The following LIPC variants were observed in gnomAD, a reference collection of about 807,000 sequenced individuals.
LIPC encodes hepatic triacylglycerol lipase.
A neutral mutation model predicts 50.7 loss-of-function variants in LIPC; 44 were observed. The ratio of observed to expected loss-of-function variants is 0.87; its 90% CI spans 0.68 to 1.11. The LOEUF (loss-of-function observed/expected upper bound fraction) is 1.11, where lower values mean the gene tolerates loss of function less well. Among genes scored for constraint, LIPC ranks in the 50% most tolerant of loss-of-function variants. LIPC has a pLI of 0.00. For synonymous variants in LIPC, 271 were observed against 256.4 expected (o/e 1.06, Z -0.54); for missense variants, 697 against 648.2 (o/e 1.08, Z -0.82).
At chr15:58,549,032 T>C (rs1893650148) in intron 6 of LIPC, among the ~76,000 whole-genome samples, 2 of 152,184 alleles carry the variant, frequency 1.3e-5, no homozygotes, top group Admixed American at 1.3e-4. Context: ...GCTGATCTGA[T>C]AGGACATGAT....
chr15:58,553,172 G>C (rs537330583), intron 6 of LIPC, among the ~76,000 whole-genome samples: 1 of 152,138 alleles, frequency 6.6e-6, no homozygotes, highest in Non-Finnish European at 1.5e-5. Flanking sequence ...CTGTCTATCC[G>C]TTGAGGGCCC....
chr15:58,551,301 A>G (rs1566948736), intron 6 of LIPC, among the ~76,000 whole-genome samples: 1 of 152,188 alleles, frequency 6.6e-6, no homozygotes, highest in Non-Finnish European at 1.5e-5. Flanking sequence ...AAGTGCACTC[A>G]TGCGAGACTC....
chr15:58,506,968 G>A (rs1190444940), intron 1 of LIPC, among the ~76,000 whole-genome samples: 2 of 152,218 alleles, frequency 1.3e-5, no homozygotes, highest in African/African-American at 2.4e-5. Flanking sequence ...GTGGCAACAA[G>A]GAGAAATGCC....
chr15:58,515,716 G>GA (rs1226042287), intron 1 of LIPC, among the ~76,000 whole-genome samples: 2 of 151,864 alleles, frequency 1.3e-5, no homozygotes, highest in East Asian at 3.9e-4. Flanking sequence ...AGATCTGGAG[G>GA]AAAAAAAGTA....
At chr15:58,499,141 A>G (rs552417730) in intron 1 of LIPC, among the ~76,000 whole-genome samples, 2 of 152,320 alleles carry the variant, frequency 1.3e-5, no homozygotes, top group South Asian at 4.1e-4. Context: ...CGAGAACACC[A>G]GGGAACATGC....
At chr15:58,513,158 C>T (rs1469152267) in intron 1 of LIPC, among the ~76,000 whole-genome samples, 1 of 152,142 alleles carries the variant, frequency 6.6e-6, no homozygotes, top group Non-Finnish European at 1.5e-5. Context: ...ATCAAGGGTT[C>T]ATTTAATGGA....
chr15:58,527,791 TAATG>T (rs113308338), intron 1 of LIPC, among the ~76,000 whole-genome samples: 20 of 149,926 alleles, frequency 1.3e-4, no homozygotes, highest in South Asian at 2.1e-4. Context: ...ATAAATGAAT[TAATG>T]AATGAATGAA....
intron 1 of LIPC, among the ~76,000 whole-genome samples, chr15:58,439,412 G>C (rs565538377): frequency 6.6e-6 from 1 of 152,284 alleles, no homozygotes; most frequent in South Asian, 2.1e-4. Flanking sequence ...GAACTGTAGT[G>C]GGTAATGAAG....
rs148745205 is a variant in LIPC at position 58,555,397 on chromosome 15, G to A, written c.1052-5467G>A. ...GTCTTGGTGGCTTCATTAGAAGCAG[G>A]TGTTGAACCACAGCTTTTCTTCAGG... On this transcript the variant is annotated intron_variant, in intron 6 of 8. Coordinates refer to ENST00000299022, the MANE Select transcript of LIPC (RefSeq NM_000236.3). 4.7e-4 allele frequency among the ~76,000 whole-genome samples: 72 copies of A among 152,302 alleles called. 1 individual carries two copies. In the East Asian group the frequency reaches 0.013, roughly 27 times the overall value.
intron 4 of LIPC, among the ~76,000 whole-genome samples, chr15:58,544,365 T>G (rs923342206): frequency 8.6e-5 from 13 of 150,304 alleles, no homozygotes; most frequent in Non-Finnish European, 1.8e-4. Context: ...GGAACAGAAA[T>G]CATATCAGGA....
At chr15:58,515,533 C>CATATATATATATATATATATATATATAT (rs1555403164) in intron 1 of LIPC, among the ~76,000 whole-genome samples, 22 of 141,724 alleles carry the variant, frequency 1.6e-4, no homozygotes, top group African/African-American at 6.0e-4. Context: ...TATACACACA[C>CATATATATATATATATATATATATATAT]ATATATATAT....
intron 1 of LIPC, among the ~76,000 whole-genome samples, chr15:58,489,392 A>T (rs1276485790): frequency 6.6e-6 from 1 of 152,006 alleles, no homozygotes; most frequent in Non-Finnish European, 1.5e-5. Context: ...GACAGTTATT[A>T]CTCCAATCAG....
At chr15:58,490,524 A>G (rs1293775337) in intron 1 of LIPC, among the ~76,000 whole-genome samples, 1 of 151,766 alleles carries the variant, frequency 6.6e-6, no homozygotes, top group African/African-American at 2.4e-5. Flanking sequence ...TAGTCTTCTC[A>G]CCTCCGGAGA....
At chr15:58,547,453 TA>T (rs1893575394) in intron 5 of LIPC, among the ~76,000 whole-genome samples, 1 of 152,166 alleles carries the variant, frequency 6.6e-6, no homozygotes, top group Non-Finnish European at 1.5e-5. Flanking sequence ...ATGCAGCCGC[TA>T]GCGTCCAAGG....
intron 1 of LIPC, chr15:58,473,496 C>G (rs1387607754): frequency 6.6e-6 from 1 of 152,170 alleles, no homozygotes; most frequent in African/African-American, 2.4e-5. Flanking sequence ...AATGACAACC[C>G]ACAGACACAA....
intron 1 of LIPC, among the ~76,000 whole-genome samples, chr15:58,469,754 G>A (rs1004930465): frequency 3.9e-5 from 6 of 152,118 alleles, no homozygotes; most frequent in Non-Finnish European, 5.9e-5. Context: ...TACTAAAAAC[G>A]TGGCCCAGTG....
In LIPC at chr15:58,568,585, C is replaced by T; in HGVS notation, c.1389-131C>T. ...CTGAAGTTACAAAAATATTTGCGAACATAAGAATCTAACTTAAAAAAAGAC... is the reference window on the plus strand; with the variant it reads ...CTGAAGTTACAAAAATATTTGCGAATATAAGAATCTAACTTAAAAAAAGAC... On this transcript the variant is annotated intron_variant, in intron 8 of 8. Coordinates refer to ENST00000299022, the MANE Select transcript of LIPC (RefSeq NM_000236.3). The T allele has an allele frequency of 7.5e-6, 5 of 670,904 alleles. No homozygotes were observed. In the South Asian group the frequency reaches 8.4e-5, roughly 11 times the overall value. 41.6% of individuals were successfully genotyped at this position (670,904 alleles called of 1,614,324 possible). A position where few individuals can be genotyped will look rare whatever the true frequency, so the allele number is the denominator to read the frequency against.
intron 8 of LIPC, chr15:58,565,433 A>C: frequency 7.0e-7 from 1 of 1,429,800 alleles, no homozygotes; most frequent in Non-Finnish European, 9.1e-7. Flanking sequence ...GTGGTACGGA[A>C]GAAGAAATGA....
At chr15:58,443,976 T>A (rs538151828) in intron 1 of LIPC, among the ~76,000 whole-genome samples, 1 of 152,150 alleles carries the variant, frequency 6.6e-6, no homozygotes, top group Non-Finnish European at 1.5e-5. Context: ...CAAATCACAA[T>A]GGTGGAGTGT....
Sources: gnomAD v4.1 joint callset for allele counts (sites outside exome capture counted in the v4.1 genomes callset) on GRCh38, gnomAD v4.1.1 for gene constraint, MANE v1.5 for transcripts, NCBI Gene and HGNC (gene_info 2026-07-23, HGNC 2026-07-21) for gene names.